SSR3: variants seen among roughly 807,000 people sequenced by gnomAD.
SSR3 encodes the protein signal sequence receptor subunit 3.
A neutral mutation model predicts 22.1 loss-of-function variants in SSR3; 10 were observed. The observed-to-expected ratio is 0.45, with a 90% CI of 0.28 to 0.77. The LOEUF (loss-of-function observed/expected upper bound fraction) is 0.77, where lower values mean the gene tolerates loss of function less well. SSR3 is among the 30% of genes least tolerant of loss of function. The pLI is 0.13. For missense variants in SSR3, 181 were observed against 220.5 expected, an observed-to-expected ratio of 0.82 and a Z score of 1.13; for synonymous variants, 104 against 82.5, an observed-to-expected ratio of 1.26 and a Z score of -1.42.
At chr3:156,545,852 G>A (rs1222735665) in intron 3 of SSR3, among the ~76,000 whole-genome samples, 1 of 152,182 alleles carries the variant, frequency 6.6e-6, no homozygotes, top group East Asian at 1.9e-4. Flanking sequence ...ACTGATCAAT[G>A]ATACCAGCCT....
In SSR3 at chr3:156,546,313, T is replaced by C. The variant is rs6763863; in HGVS notation, c.360-1874A>G. On this transcript the variant is annotated intron_variant, in intron 3 of 4. Coordinates refer to ENST00000265044, the MANE Select transcript of SSR3 (RefSeq NM_007107.5). ...CTTGCTTCTTTACCTTCCACCATGA[T>C]TGTAAGTTTTTTGAGGCATCCCCAG... is the stretch of plus-strand genomic sequence containing the variant. Among the ~76,000 whole-genome samples the C allele has an allele frequency of 4.1e-3, 630 of 152,352 alleles. 5 individuals are homozygous for C. The highest frequency in any genetic ancestry group is 0.014 in the African/African-American group (588 of 41,592).
chr3:156,551,242 G>A (rs540350270), intron 2 of SSR3, among the ~76,000 whole-genome samples: 2 of 152,234 alleles, frequency 1.3e-5, no homozygotes, highest in East Asian at 1.9e-4. Context: ...AAAATATGGC[G>A]GGTGTCTTCA....
chr3:156,543,299 G>T (rs774095547), intron 4 of SSR3, 30 bp from the exon 5 acceptor site: 1 of 1,586,106 alleles, frequency 6.3e-7, no homozygotes, highest in Non-Finnish European at 8.7e-7. Context: ...ATGGAAAAAT[G>T]AGTAACTCCA....
rs112771712 is a variant in SSR3 at position 156,551,653 on chromosome 3, T to C, written c.260+2002A>G. On this transcript the variant is annotated intron_variant, in intron 2 of 4. Coordinates refer to ENST00000265044, the MANE Select transcript of SSR3 (RefSeq NM_007107.5). Reference sequence around the variant, plus strand: ...GGCCACTTCAGTCACTGAGGCCATTTTGGGACATTTCTTAAAATAAACCCC... The same window carrying C: ...GGCCACTTCAGTCACTGAGGCCATTCTGGGACATTTCTTAAAATAAACCCC... 2.0e-3 allele frequency: 301 copies of C among 152,374 alleles called. 1 individual carries two copies. The highest frequency in any genetic ancestry group is 6.9e-3 in the African/African-American group (286 of 41,590). The allele number at this position is 152,374 out of a possible 1,614,324, so 9.4% of individuals were successfully genotyped here.
chr3:156,554,403 T>C (rs1720074955), intron 1 of SSR3, among the ~76,000 whole-genome samples: 1 of 152,164 alleles, frequency 6.6e-6, no homozygotes, highest in Admixed American at 6.5e-5. Context: ...ATTGGTCCAG[T>C]AGGATTATTA....
At chr3:156,553,864 A>G in intron 1 of SSR3, 83 bp from the exon 2 acceptor site, 4 of 1,400,988 alleles carry the variant, frequency 2.9e-6, no homozygotes, top group Middle Eastern at 1.9e-4. Flanking sequence ...AATTAATTAT[A>G]GCTAAGCCTG....
At chr3:156,554,012 A>C (rs1720061186) in intron 1 of SSR3, 3 of 356,112 alleles carry the variant, frequency 8.4e-6, no homozygotes. Flanking sequence ...ACTAGTCCAG[A>C]TGAGATTTCA....
chr3:156,540,048 C>T lies in SSR3; in HGVS notation c.*3155G>A, dbSNP rs1339728287. 1 of 151,658 alleles carries T rather than the reference C, an allele frequency of 6.6e-6. No individual in the cohort carries two copies. The highest frequency in any genetic ancestry group is 1.5e-5 in the Non-Finnish European group (1 of 67,876). The allele number at this position is 151,658 out of a possible 1,614,324, so 9.4% of individuals were successfully genotyped here. A position where few individuals can be genotyped will look rare whatever the true frequency, so the allele number is the denominator to read the frequency against. On this transcript the variant is annotated 3_prime_UTR_variant, in exon 5 of 5. Coordinates refer to ENST00000265044, the MANE Select transcript of SSR3 (RefSeq NM_007107.5). Reference sequence around the variant, plus strand: ...ACTTAAAGTAAAATAAAAAATAAAACAATTTGAAAAAAAAGATGGTTAATG... The same window carrying T: ...ACTTAAAGTAAAATAAAAAATAAAATAATTTGAAAAAAAAGATGGTTAATG...
intron 3 of SSR3, among the ~76,000 whole-genome samples, chr3:156,546,718 G>A (rs1006571628): frequency 5.9e-5 from 9 of 152,148 alleles, no homozygotes; most frequent in Admixed American, 5.9e-4. Flanking sequence ...GATGTTTTCA[G>A]GAAGAGCTTC....
intron 1 of SSR3, chr3:156,554,671 T>G: frequency 2.4e-6 from 1 of 421,178 alleles, no homozygotes; most frequent in East Asian, 4.4e-5. Context: ...AAATAGAGAT[T>G]CGGGGCCGCC....
intron 2 of SSR3, 31 bp downstream of exon 2, chr3:156,553,624 G>A: frequency 6.2e-7 from 1 of 1,604,558 alleles, no homozygotes; most frequent in Non-Finnish European, 8.5e-7. Flanking sequence ...ATAACATGTA[G>A]TACGTACTTT....
At position 156,554,584 on chromosome 3, in the gene SSR3, T is replaced by C. The variant is rs933982668; in HGVS notation, c.133+373A>G. Reference sequence around the variant, plus strand: ...TAACTAATTTATGCAAAATAAGTAATAAGTTTAAAATTTCGTAACGGCAAG... The same window carrying C: ...TAACTAATTTATGCAAAATAAGTAACAAGTTTAAAATTTCGTAACGGCAAG... On this transcript the variant is annotated intron_variant, in intron 1 of 4. Transcript: ENST00000265044. 4.6e-5 allele frequency among the ~76,000 whole-genome samples: 7 copies of C among 152,290 alleles called. No individual in the cohort carries two copies. In the South Asian group the frequency reaches 1.2e-3, roughly 27 times the overall value.
rs878924733 is a variant in SSR3 at position 156,540,097 on chromosome 3, G to A, written c.*3106C>T. ...TGTAAAATAATATAATAAAGATTAC[G>A]TACTTCATCATAGGATTCTTATAAA... On this transcript the variant is annotated 3_prime_UTR_variant, in exon 5 of 5. Transcript: ENST00000265044. 9 of 152,112 alleles carry A rather than the reference G, an allele frequency of 5.9e-5. No individual in the cohort carries two copies. The highest frequency in any genetic ancestry group is 2.1e-4 in the South Asian group (1 of 4,830). The allele number at this position is 152,112 out of a possible 1,614,324, so 9.4% of individuals were successfully genotyped here.
At chr3:156,545,858 A>G (rs1719740755) in intron 3 of SSR3, among the ~76,000 whole-genome samples, 2 of 152,244 alleles carry the variant, frequency 1.3e-5, no homozygotes. Flanking sequence ...CAATGATACC[A>G]GCCTAGTAAG....
chr3:156,554,651 T>C, intron 1 of SSR3: 1 of 345,532 alleles, frequency 2.9e-6, no homozygotes, highest in Non-Finnish European at 5.3e-6. Flanking sequence ...ATGCTTGAGT[T>C]TGTCTGTTTA....
rs1221538763 is a variant in SSR3, at chr3:156,541,075, A to T, written c.*2128T>A. Reference sequence around the variant, plus strand: ...AGGAAAAATTCACAACAGTAAACAAATTTTGCTCACTCATTTTCCTACAAA... The same window carrying T: ...AGGAAAAATTCACAACAGTAAACAATTTTTGCTCACTCATTTTCCTACAAA... On this transcript the variant is annotated 3_prime_UTR_variant, in exon 5 of 5. Coordinates refer to ENST00000265044, the MANE Select transcript of SSR3 (RefSeq NM_007107.5). 2 of 152,178 alleles carry T rather than the reference A, an allele frequency of 1.3e-5. No homozygotes were observed. Among genetic ancestry groups the T allele is most frequent in the African/African-American group, 2.4e-5 (1 of 41,448 alleles). 9.4% of individuals were successfully genotyped at this position (152,178 alleles called of 1,614,324 possible).
rs751040914 is a variant in SSR3 at position 156,540,605 on chromosome 3, C to CAAAAAAAAAAAAAAAA, written c.*2582_*2597dup. Reference sequence around the variant, plus strand: ...TGGGTGACAGAGCGAGACGCTGTCTCAAAAAAAAAAAAAAAAAAAAAAGAA... The same window carrying CAAAAAAAAAAAAAAAA: ...TGGGTGACAGAGCGAGACGCTGTCTCAAAAAAAAAAAAAAAAAAAAAAAAAAAAAAAAAAAAAAGAA... On this transcript the variant is annotated 3_prime_UTR_variant, in exon 5 of 5. Transcript: ENST00000265044. 1.4e-5 allele frequency: 1 copy of CAAAAAAAAAAAAAAAA among 71,862 alleles called. No homozygotes were observed. Among genetic ancestry groups the CAAAAAAAAAAAAAAAA allele is most frequent in the Non-Finnish European group, 2.4e-5 (1 of 41,046 alleles). The allele number at this position is 71,862 out of a possible 1,614,324, so 4.5% of individuals were successfully genotyped here.
At chr3:156,548,802 T>C in intron 3 of SSR3, 103 bp downstream of exon 3, 1 of 1,453,706 alleles carries the variant, frequency 6.9e-7, no homozygotes, top group South Asian at 1.3e-5. Context: ...TTCCAAAATT[T>C]ACCTCAGACA....
In SSR3 at chr3:156,539,856, G is replaced by A. The variant is rs1238255097; in HGVS notation, c.*3347C>T. Among the ~76,000 whole-genome samples the A allele has an allele frequency of 6.6e-6, 1 of 152,214 alleles. No individual in the cohort carries two copies. Among genetic ancestry groups the A allele is most frequent in the Non-Finnish European group, 1.5e-5 (1 of 68,040 alleles). ...AAGGCACAGCAGGTACATACTGGCA[G>A]AGGCCTGATGTCTGCCCTTTACTGT... On this transcript the variant is annotated 3_prime_UTR_variant, in exon 5 of 5. Coordinates refer to ENST00000265044, the MANE Select transcript of SSR3 (RefSeq NM_007107.5).
Sources: allele counts gnomAD v4.1 joint callset (sites outside exome capture counted in the v4.1 genomes callset), GRCh38; gene constraint gnomAD v4.1.1; transcripts MANE v1.5; gene names NCBI Gene and HGNC (gene_info 2026-07-23, HGNC 2026-07-21).